Variants in QKI observed in about 807,000 individuals in gnomAD.
The protein encoded by QKI is KH domain-containing RNA-binding protein QKI.
QKI carries 10 observed loss-of-function variants against 39.0 expected under a neutral mutation model. That is an observed-to-expected ratio of 0.26 (90% CI 0.16 to 0.43). QKI has a LOEUF of 0.43. QKI is among the 20% of genes least tolerant of loss of function. The pLI, the probability that QKI is intolerant of heterozygous loss-of-function variation, is 1.00. For missense variants in QKI, 218 were observed against 428.0 expected, an observed-to-expected ratio of 0.51 and a Z score of 4.33; for synonymous variants, 204 against 155.4, an observed-to-expected ratio of 1.31 and a Z score of -2.33.
intron 3 of QKI, among the ~76,000 whole-genome samples, chr6:163,525,634 A>G (rs945965144): frequency 5.3e-5 from 8 of 151,878 alleles, no homozygotes; most frequent in African/African-American, 1.9e-4. Context: ...CAAAGTGCTG[A>G]GATTACAGGC....
At chr6:163,531,348 T>C (rs1780837324) in intron 3 of QKI, among the ~76,000 whole-genome samples, 1 of 152,150 alleles carries the variant, frequency 6.6e-6, no homozygotes, top group Non-Finnish European at 1.5e-5. Flanking sequence ...TTTGAGCAAG[T>C]GTTTTACTTC....
At chr6:163,550,232 G>A (rs936721198) in intron 4 of QKI, among the ~76,000 whole-genome samples, 1 of 152,188 alleles carries the variant, frequency 6.6e-6, no homozygotes, top group Non-Finnish European at 1.5e-5. Flanking sequence ...TCCTGGGGCA[G>A]CGCAGGCACT....
intron 3 of QKI, among the ~76,000 whole-genome samples, chr6:163,498,188 TAAAAAA>T (rs10650302): frequency 8.0e-6 from 1 of 125,556 alleles, no homozygotes; most frequent in African/African-American, 3.0e-5. Context: ...GCAGCTGTGG[TAAAAAA>T]AAAAAAAAAA....
intron 2 of QKI, among the ~76,000 whole-genome samples, chr6:163,466,760 T>A (rs1472883565): frequency 6.6e-6 from 1 of 152,142 alleles, no homozygotes; most frequent in Non-Finnish European, 1.5e-5. Flanking sequence ...TCCCTGAAAC[T>A]ATAAAACATG....
At chr6:163,484,449 C>T (rs953129534) in intron 3 of QKI, among the ~76,000 whole-genome samples, 1 of 152,194 alleles carries the variant, frequency 6.6e-6, no homozygotes, top group Non-Finnish European at 1.5e-5. Context: ...GATCTGCCCA[C>T]CTTGGCCTTC....
chr6:163,456,725 T>C (rs6902608), intron 2 of QKI, among the ~76,000 whole-genome samples: 12,020 of 152,172 alleles, frequency 0.079, 532 homozygotes, highest in Middle Eastern at 0.12. Flanking sequence ...TCTTGGATAA[T>C]GTAGGAAAAG....
chr6:163,523,217 C>G (rs1237062292), intron 3 of QKI, among the ~76,000 whole-genome samples: 1 of 152,124 alleles, frequency 6.6e-6, no homozygotes, highest in Non-Finnish European at 1.5e-5. Context: ...AGGTAAAATA[C>G]TCTCTTTCAG....
At chr6:163,505,775 G>C (rs1052640843) in intron 3 of QKI, among the ~76,000 whole-genome samples, 3 of 152,164 alleles carry the variant, frequency 2.0e-5, no homozygotes, top group African/African-American at 7.2e-5. Flanking sequence ...TTGGGTTAAT[G>C]CTGGAATGAG....
intron 1 of QKI, among the ~76,000 whole-genome samples, chr6:163,445,380 A>ACTCTGTTGG (rs1554259858): frequency 1.6e-4 from 13 of 83,164 alleles, no homozygotes; most frequent in African/African-American, 2.8e-4. Flanking sequence ...CTGGTCCAGG[A>ACTCTGTTGG]TTCCACATTG....
In QKI at chr6:163,455,344, G is replaced by C. The variant is rs768540900; in HGVS notation, c.208G>C (p.Ala70Pro). The C allele has an allele frequency of 3.1e-6, 5 of 1,613,080 alleles. No homozygotes were observed. In the East Asian group the frequency reaches 6.7e-5, roughly 22 times the overall value. Residue 70 changes from alanine (A) to proline (P), a missense_variant, in exon 2 of 8, where the codon GCA becomes CCA. This residue lies in a region of QKI where 61 missense variants were observed against 193.3 expected (regional missense o/e 0.32). Transcript: ENST00000361752. ...AAATGGCAGTACAGAGAAAAGGAGT[G>C]CAGAATTGCCTGATGCTGTGGGACC... is the stretch of plus-strand genomic sequence containing the variant. ...TLNGSTEKRS[A>P]ELPDAVGPIV...
At position 163,437,732 on chromosome 6, in the gene QKI, A is replaced by G. The variant is rs117422928; in HGVS notation, c.143-17547A>G. ...CTATTTTAGGGTTTGAGTTATAGTTATGCAAATTTACATTACGGTAATGCA... is the reference window on the plus strand; with the variant it reads ...CTATTTTAGGGTTTGAGTTATAGTTGTGCAAATTTACATTACGGTAATGCA... On this transcript the variant is annotated intron_variant, in intron 1 of 7. Transcript: ENST00000361752. 1.5e-3 allele frequency among the ~76,000 whole-genome samples: 236 copies of G among 152,290 alleles called. 1 individual carries two copies. Among genetic ancestry groups the G allele is most frequent in the Non-Finnish European group, 3.0e-3 (201 of 68,018 alleles).
At chr6:163,553,043 GTTC>G (rs1782349143) in intron 4 of QKI, among the ~76,000 whole-genome samples, 1 of 141,400 alleles carries the variant, frequency 7.1e-6, no homozygotes, top group South Asian at 2.3e-4. Flanking sequence ...TAATTTTCAG[GTTC>G]TTTTTTTTTT....
intron 6 of QKI, chr6:163,566,029 G>C: frequency 6.3e-7 from 1 of 1,591,702 alleles, no homozygotes; most frequent in Non-Finnish European, 8.6e-7. Flanking sequence ...CAAATGCTTA[G>C]TCTCAGCAGC....
At chr6:163,527,476 G>A (rs569130048) in intron 3 of QKI, among the ~76,000 whole-genome samples, 2 of 152,222 alleles carry the variant, frequency 1.3e-5, no homozygotes, top group South Asian at 2.1e-4. Context: ...CACATTAAGA[G>A]CACAGTAGGA....
At chr6:163,476,363 T>G (rs1205807395) in intron 2 of QKI, among the ~76,000 whole-genome samples, 1 of 152,004 alleles carries the variant, frequency 6.6e-6, no homozygotes, top group Admixed American at 6.5e-5. Context: ...TTCTTTATCT[T>G]GTCCTGTCTC....
intron 3 of QKI, among the ~76,000 whole-genome samples, chr6:163,498,644 CTTAG>C (rs891019826): frequency 2.0e-5 from 3 of 152,006 alleles, no homozygotes; most frequent in African/African-American, 4.8e-5. Flanking sequence ...ATTCCCCAGA[CTTAG>C]TTTGTTTTTT....
chr6:163,563,389 A>G (rs1583227795), intron 5 of QKI, 31 bp from the exon 6 acceptor site: 2 of 1,543,702 alleles, frequency 1.3e-6, no homozygotes, highest in East Asian at 2.3e-5. Context: ...CTGTCTCTAT[A>G]CTTCTTTCTA....
intron 3 of QKI, among the ~76,000 whole-genome samples, chr6:163,529,197 G>A (rs538777241): frequency 9.8e-4 from 149 of 152,208 alleles, no homozygotes; most frequent in Middle Eastern, 3.4e-3. Context: ...GAAAGAAGCC[G>A]TCCCAGAAAC....
chr6:163,551,535 A>C (rs1045005565), intron 4 of QKI, among the ~76,000 whole-genome samples: 13 of 152,274 alleles, frequency 8.5e-5, no homozygotes, highest in African/African-American at 2.9e-4. Flanking sequence ...GGCAGCAACC[A>C]AAATTAATTA....
Sources: gnomAD v4.1 joint callset for allele counts (sites outside exome capture counted in the v4.1 genomes callset) on GRCh38, gnomAD v4.1.1 for gene constraint, gnomAD v4.1.1 regional missense constraint, MANE v1.5 for transcripts, NCBI Gene and HGNC (gene_info 2026-07-23, HGNC 2026-07-21) for gene names.